CSMD1: variants seen among roughly 807,000 people sequenced by gnomAD.
CSMD1 encodes the protein CUB and Sushi multiple domains 1.
Under a neutral mutation model 417.5 loss-of-function variants are expected in CSMD1, and 213 were observed. That is an observed-to-expected ratio of 0.51 (90% confidence interval 0.46 to 0.57). The LOEUF is 0.57. Among genes scored for constraint, CSMD1 ranks in the 20% least tolerant of loss-of-function variants. The pLI, the probability that CSMD1 is intolerant of heterozygous loss-of-function variation, is 0.00. For missense variants in CSMD1, 6,923 were observed against 4,529.7 expected (o/e 1.53, Z -15.17); for synonymous variants, 2,862 against 1,736.8 (o/e 1.65, Z -16.11).
chr8:4,538,232 G>C (rs1315484274), intron 2 of CSMD1, among the ~76,000 whole-genome samples: 1 of 147,456 alleles, frequency 6.8e-6, no homozygotes, highest in Admixed American at 6.9e-5. Context: ...CTTGATGTAT[G>C]TGGCACCCTT....
At chr8:3,837,613 C>G (rs1334072974) in intron 5 of CSMD1, among the ~76,000 whole-genome samples, 1 of 152,124 alleles carries the variant, frequency 6.6e-6, no homozygotes, top group Non-Finnish European at 1.5e-5. Flanking sequence ...AATAGAAATT[C>G]TAGCGTTTGT....
chr8:4,220,761 G>T (rs1267481659), intron 3 of CSMD1, among the ~76,000 whole-genome samples: 1 of 152,232 alleles, frequency 6.6e-6, no homozygotes, highest in Non-Finnish European at 1.5e-5. Flanking sequence ...ACAGGGTGGA[G>T]AATATGGGGC....
intron 2 of CSMD1, among the ~76,000 whole-genome samples, chr8:4,483,520 A>G (rs751977273): frequency 6.6e-6 from 1 of 152,250 alleles, no homozygotes; most frequent in African/African-American, 2.4e-5. Context: ...TCATACAAAC[A>G]TGAGTGACAA....
chr8:4,812,951 G>A (rs765439124), intron 1 of CSMD1, among the ~76,000 whole-genome samples: 1 of 152,130 alleles, frequency 6.6e-6, no homozygotes, highest in Non-Finnish European at 1.5e-5. Flanking sequence ...TGACAAAAAT[G>A]TAAGAATAAA....
At chr8:3,009,799 G>T (rs1024352279) in intron 52 of CSMD1, among the ~76,000 whole-genome samples, 2 of 152,188 alleles carry the variant, frequency 1.3e-5, no homozygotes, top group Admixed American at 1.3e-4. Flanking sequence ...TGTGCTGTTT[G>T]TGACAGCATC....
intron 2 of CSMD1, among the ~76,000 whole-genome samples, chr8:4,572,395 T>C (rs1798932717): frequency 6.6e-6 from 1 of 152,200 alleles, no homozygotes; most frequent in Admixed American, 6.5e-5. Flanking sequence ...TGGCTGGACA[T>C]GAAATTCTGG....
rs182082800 is a variant in CSMD1 at position 4,965,600 on chromosome 8, T to G, written c.85+28732A>C. 2.4e-3 allele frequency among the ~76,000 whole-genome samples: 358 copies of G among 152,320 alleles called. 4 individuals are homozygous for G. Among genetic ancestry groups the G allele is most frequent in the Non-Finnish European group, 7.2e-4 (49 of 68,036 alleles). On this transcript the variant is annotated intron_variant, in intron 1 of 69. Coordinates refer to ENST00000635120, the MANE Select transcript of CSMD1 (RefSeq NM_033225.6). ...CTTCTTTATAAATGAAAGAACTGGGTTTGTCCCTGAAGTTTACTGAATTTC... is the reference window on the plus strand; with the variant it reads ...CTTCTTTATAAATGAAAGAACTGGGGTTGTCCCTGAAGTTTACTGAATTTC...
At chr8:3,673,716 G>C (rs896863280) in intron 7 of CSMD1, among the ~76,000 whole-genome samples, 3 of 152,136 alleles carry the variant, frequency 2.0e-5, no homozygotes, top group Admixed American at 6.5e-5. Flanking sequence ...CATGATATGA[G>C]CACTGCATTT....
At chr8:3,889,108 G>C (rs111903059) in intron 5 of CSMD1, among the ~76,000 whole-genome samples, 50 of 152,122 alleles carry the variant, frequency 3.3e-4, no homozygotes, top group African/African-American at 1.2e-3. Context: ...GTTGCTGCAA[G>C]TTAGAAGTTT....
intron 3 of CSMD1, among the ~76,000 whole-genome samples, chr8:4,082,824 C>G (rs971754243): frequency 5.0e-5 from 7 of 140,370 alleles, no homozygotes; most frequent in African/African-American, 1.6e-4. Context: ...TCCATGCATT[C>G]TCATTATTCA....
chr8:4,107,230 G>C (rs1256897229), intron 3 of CSMD1, among the ~76,000 whole-genome samples: 2 of 152,182 alleles, frequency 1.3e-5, no homozygotes, highest in Non-Finnish European at 2.9e-5. Flanking sequence ...GAAGTAGCTG[G>C]CGCCAGAATG....
intron 2 of CSMD1, among the ~76,000 whole-genome samples, chr8:4,462,819 T>C (rs1056897256): frequency 2.0e-5 from 3 of 151,928 alleles, no homozygotes; most frequent in Non-Finnish European, 4.4e-5. Context: ...ACAAAAAAAT[T>C]GATAAATCAT....
chr8:3,509,140 T>C (rs1394564304), intron 10 of CSMD1, among the ~76,000 whole-genome samples: 2 of 152,286 alleles, frequency 1.3e-5, no homozygotes. Flanking sequence ...ACTCTAAGTA[T>C]TCAGTAGATA....
intron 1 of CSMD1, among the ~76,000 whole-genome samples, chr8:4,899,455 C>T (rs987760053): frequency 1.3e-5 from 2 of 152,096 alleles, no homozygotes; most frequent in Admixed American, 6.5e-5. Context: ...AATGTAGATA[C>T]GCATGTCCAT....
chr8:4,377,293 G>C (rs1298703445), intron 3 of CSMD1, among the ~76,000 whole-genome samples: 1 of 152,148 alleles, frequency 6.6e-6, no homozygotes, highest in Non-Finnish European at 1.5e-5. Context: ...CAAAAGGGAG[G>C]AGGAGAAGTC....
At chr8:4,373,869 T>C (rs906003799) in intron 3 of CSMD1, among the ~76,000 whole-genome samples, 1 of 152,210 alleles carries the variant, frequency 6.6e-6, no homozygotes, top group African/African-American at 2.4e-5. Flanking sequence ...ATTCTTTCTT[T>C]TGCTTTAACG....
intron 5 of CSMD1, among the ~76,000 whole-genome samples, chr8:3,954,786 A>C (rs753408180): frequency 6.6e-6 from 1 of 151,592 alleles, no homozygotes; most frequent in African/African-American, 2.4e-5. Context: ...AGGGAGTTAC[A>C]TGCACGCAGA....
chr8:3,597,236 G>T (rs1204411003), intron 8 of CSMD1, among the ~76,000 whole-genome samples: 2 of 152,066 alleles, frequency 1.3e-5, no homozygotes, highest in South Asian at 2.1e-4. Flanking sequence ...GGCCCCAGGG[G>T]TACACCCAGG....
chr8:4,726,060 T>A (rs1809415755), intron 1 of CSMD1, among the ~76,000 whole-genome samples: 1 of 152,148 alleles, frequency 6.6e-6, no homozygotes, highest in Admixed American at 6.5e-5. Flanking sequence ...TCGTGGACAG[T>A]TCAAGCCACT....
Sources: allele counts gnomAD v4.1 joint callset (sites outside exome capture counted in the v4.1 genomes callset), GRCh38; gene constraint gnomAD v4.1.1; transcripts MANE v1.5; gene names NCBI Gene and HGNC (gene_info 2026-07-23, HGNC 2026-07-21).